CASK: variants seen among roughly 807,000 people sequenced by gnomAD.
The protein encoded by CASK is calcium/calmodulin dependent serine protein kinase, also known as peripheral plasma membrane protein CASK.
CASK carries 4 observed loss-of-function variants against 82.9 expected under a neutral mutation model. The observed-to-expected ratio is 0.05, with a 90% CI of 0.02 to 0.11. CASK has a LOEUF of 0.11. Ranked by LOEUF, CASK falls within the 10% of genes least tolerant of loss-of-function variation. The pLI, the probability that CASK is intolerant of heterozygous loss-of-function variation, is 1.00. For missense variants in CASK, 358 were observed against 720.9 expected (o/e 0.50, Z 5.76); for synonymous variants, 259 against 253.5 (o/e 1.02, Z -0.20).
At chrX:41,531,351 C>T in intron 24 of CASK, 142 bp from the exon 25 acceptor site, 2 of 536,403 alleles carry the variant, frequency 3.7e-6, no homozygotes, top group Non-Finnish European at 6.6e-6. Context: ...TTCTCACCCC[C>T]AGTGGCTTTG....
intron 11 of CASK, among the ~76,000 whole-genome samples, chrX:41,611,427 A>T (rs1292815319): frequency 9.0e-6 from 1 of 111,691 alleles, no homozygotes; most frequent in Admixed American, 9.5e-5. Flanking sequence ...AAAAAAATGG[A>T]AGATTTATAT....
rs55635208 is a variant in CASK at position 41,729,781 on chromosome X, A to AATATATAT, written c.429+9595_429+9602dup. On this transcript the variant is annotated intron_variant, in intron 5 of 26. Coordinates refer to ENST00000378163, the MANE Select transcript of CASK (RefSeq NM_001367721.1). Reference sequence around the variant, plus strand: ...AAAAAAAAAAAAAAAAAAAAAAAAAAATATATATATATATATATATATATA... The same window carrying AATATATAT: ...AAAAAAAAAAAAAAAAAAAAAAAAAAATATATATATATATATATATATATATATATATA... 369 of 38,770 alleles carry AATATATAT rather than the reference A, an allele frequency of 9.5e-3. 4 individuals are homozygous for AATATATAT. The highest frequency in any genetic ancestry group is 0.013 in the Non-Finnish European group (288 of 21,990). 3.2% of individuals were successfully genotyped at this position (38,770 alleles called of 1,213,427 possible). A position where few individuals can be genotyped will look rare whatever the true frequency, so the allele number is the denominator to read the frequency against.
chrX:41,654,956 T>G (rs899106444), intron 8 of CASK, among the ~76,000 whole-genome samples: 10 of 109,817 alleles, frequency 9.1e-5, no homozygotes, highest in African/African-American at 3.3e-4. Flanking sequence ...CAAGGTCCCT[T>G]GGCTCAACCT....
At chrX:41,672,162 G>A (rs2067205004) in intron 5 of CASK, among the ~76,000 whole-genome samples, 1 of 111,125 alleles carries the variant, frequency 9.0e-6, no homozygotes. Context: ...CTGTGGGGGT[G>A]GGAGGTGAAA....
At chrX:41,908,529 A>G (rs1262485871) in intron 1 of CASK, among the ~76,000 whole-genome samples, 1 of 112,299 alleles carries the variant, frequency 8.9e-6, no homozygotes, top group Non-Finnish European at 1.9e-5. Context: ...ACTAGAGTAC[A>G]GAAAAACCAA....
chrX:41,829,981 A>AT (rs1246337013), intron 2 of CASK, among the ~76,000 whole-genome samples: 4 of 102,779 alleles, frequency 3.9e-5, no homozygotes, highest in East Asian at 6.3e-4. Flanking sequence ...ATGTGGATAC[A>AT]TTTTTTTTCT....
chrX:41,687,075 A>G, intron 5 of CASK, among the ~76,000 whole-genome samples: 1 of 112,295 alleles, frequency 8.9e-6, no homozygotes, highest in Admixed American at 9.5e-5. Context: ...TGGTCACAAT[A>G]TGAGGAAACT....
intron 2 of CASK, among the ~76,000 whole-genome samples, chrX:41,812,901 T>C (rs1192734551): frequency 8.9e-6 from 1 of 112,099 alleles, no homozygotes; most frequent in African/African-American, 3.2e-5. Flanking sequence ...AGTCTCAGGA[T>C]ACAAAATCAA....
At chrX:41,716,180 G>C (rs889061310) in intron 5 of CASK, among the ~76,000 whole-genome samples, 4 of 112,257 alleles carry the variant, frequency 3.6e-5, no homozygotes, top group African/African-American at 1.3e-4. Flanking sequence ...TAGAGCAGAA[G>C]ATATTGCACA....
At chrX:41,743,396 T>A (rs753666441) in intron 4 of CASK, among the ~76,000 whole-genome samples, 1 of 112,152 alleles carries the variant, frequency 8.9e-6, no homozygotes, top group East Asian at 2.8e-4. Flanking sequence ...AGATGGGATT[T>A]AAAAAAACCC....
intron 6 of CASK, among the ~76,000 whole-genome samples, chrX:41,666,713 T>A (rs1045489975): frequency 9.0e-6 from 1 of 111,668 alleles, no homozygotes; most frequent in Non-Finnish European, 1.9e-5. Flanking sequence ...AAGTTCAGGG[T>A]TCCAGTAGTG....
chrX:41,560,502 G>C (rs1314569649), intron 17 of CASK, among the ~76,000 whole-genome samples: 2 of 106,865 alleles, frequency 1.9e-5, no homozygotes, highest in African/African-American at 3.4e-5. Context: ...GACTTCAGGT[G>C]ATTCACCCAC....
chrX:41,564,063 G>A (rs1468912375), intron 16 of CASK, among the ~76,000 whole-genome samples: 4 of 111,519 alleles, frequency 3.6e-5, no homozygotes, highest in South Asian at 3.7e-4. Flanking sequence ...GCAGACAGTC[G>A]GGCAGTACAT....
At chrX:41,895,914 G>T (rs773347305) in intron 1 of CASK, among the ~76,000 whole-genome samples, 65 of 111,038 alleles carry the variant, frequency 5.9e-4, no homozygotes, top group African/African-American at 2.1e-3. Context: ...TTAAAAAAGA[G>T]AAGTAAGATT....
chrX:41,845,163 G>A (rs1173151411), intron 2 of CASK, among the ~76,000 whole-genome samples: 2 of 112,121 alleles, frequency 1.8e-5, no homozygotes, highest in East Asian at 5.5e-4. Flanking sequence ...CTGTTGTTGA[G>A]TGGAGTGTTC....
chrX:41,836,216 CAA>C (rs759095894), intron 2 of CASK, among the ~76,000 whole-genome samples: 1 of 108,932 alleles, frequency 9.2e-6, no homozygotes, highest in Admixed American at 9.7e-5. Context: ...TGAAGAAAAA[CAA>C]AAAAAAATCT....
intron 5 of CASK, among the ~76,000 whole-genome samples, chrX:41,710,442 C>T (rs1279756569): frequency 9.0e-6 from 1 of 111,460 alleles, no homozygotes; most frequent in African/African-American, 3.3e-5. Context: ...ATGACTGCCA[C>T]TGAAGTCGCT....
chrX:41,855,383 G>A (rs544828914), intron 1 of CASK, among the ~76,000 whole-genome samples: 1 of 111,008 alleles, frequency 9.0e-6, no homozygotes, highest in Non-Finnish European at 1.9e-5. Context: ...ACATCCAGGG[G>A]GTTAACAATG....
At chrX:41,578,623 C>CT in intron 14 of CASK, 95 bp from the exon 15 acceptor site, 3 of 664,848 alleles carry the variant, frequency 4.5e-6, no homozygotes, top group Non-Finnish European at 6.9e-6. Context: ...GGGTCTCACT[C>CT]TGTCACCCAG....
Sources: allele counts gnomAD v4.1 joint callset (sites outside exome capture counted in the v4.1 genomes callset), GRCh38; gene constraint gnomAD v4.1.1; transcripts MANE v1.5; gene names NCBI Gene and HGNC (gene_info 2026-07-23, HGNC 2026-07-21).